SNTG2: variants seen among roughly 807,000 people sequenced by gnomAD.
SNTG2 encodes the protein gamma-2-syntrophin.
A neutral mutation model predicts 70.9 loss-of-function variants in SNTG2; 74 were observed. The ratio of observed to expected loss-of-function variants is 1.04; its 90% CI spans 0.86 to 1.27. The LOEUF (loss-of-function observed/expected upper bound fraction) is 1.27, where lower values mean the gene tolerates loss of function less well. SNTG2 is among the 50% of genes most tolerant of loss of function. The probability of loss-of-function intolerance (pLI) is 0.00; values close to 1 mark genes in which losing one functional copy is unlikely to be tolerated. For synonymous variants in SNTG2, 278 were observed against 273.8 expected (o/e 1.02, Z -0.15); for missense variants, 717 against 690.7 (o/e 1.04, Z -0.43).
At chr2:1,075,295 G>A (rs1663846483) in intron 1 of SNTG2, among the ~76,000 whole-genome samples, 2 of 152,166 alleles carry the variant, frequency 1.3e-5, no homozygotes, top group Non-Finnish European at 1.5e-5. Flanking sequence ...CAGCTCCTAC[G>A]TCCTTTGCAG....
intron 12 of SNTG2, among the ~76,000 whole-genome samples, chr2:1,249,360 T>C (rs1027450059): frequency 6.6e-6 from 1 of 152,242 alleles, no homozygotes; most frequent in Non-Finnish European, 1.5e-5. Flanking sequence ...ATGAAGGTCA[T>C]GTGTAAATAA....
chr2:1,184,502 T>C (rs1672125505), intron 8 of SNTG2, among the ~76,000 whole-genome samples: 1 of 152,188 alleles, frequency 6.6e-6, no homozygotes, highest in Non-Finnish European at 1.5e-5. Flanking sequence ...AGAGGTTTAA[T>C]TGGCTCATAT....
chr2:1,088,911 A>G (rs1351901329), intron 2 of SNTG2, among the ~76,000 whole-genome samples: 1 of 152,346 alleles, frequency 6.6e-6, no homozygotes, highest in South Asian at 2.1e-4. Context: ...TTGTCTCCAC[A>G]GCGGAGGATG....
intron 6 of SNTG2, among the ~76,000 whole-genome samples, chr2:1,158,947 T>C (rs990994199): frequency 6.6e-6 from 1 of 152,110 alleles, no homozygotes; most frequent in Non-Finnish European, 1.5e-5. Context: ...GGTCTTGGAA[T>C]GTGTTACTAA....
At chr2:1,172,475 T>C (rs557910285) in intron 7 of SNTG2, among the ~76,000 whole-genome samples, 2 of 152,326 alleles carry the variant, frequency 1.3e-5, no homozygotes, top group South Asian at 4.1e-4. Context: ...CCTTTCTCCC[T>C]GAGCTGTTCC....
At chr2:1,134,451 C>T (rs374123378) in intron 4 of SNTG2, among the ~76,000 whole-genome samples, 1 of 134,572 alleles carries the variant, frequency 7.4e-6, no homozygotes, top group Admixed American at 7.2e-5. Context: ...TACAGAGTGT[C>T]GACACAAAGG....
chr2:1,204,631 CA>C (rs1673509730), intron 8 of SNTG2, among the ~76,000 whole-genome samples: 1 of 152,158 alleles, frequency 6.6e-6, no homozygotes, highest in African/African-American at 2.4e-5. Context: ...CGGAGGAGTA[CA>C]GTAAATAAGC....
intron 15 of SNTG2, among the ~76,000 whole-genome samples, chr2:1,310,636 C>T (rs1680938830): frequency 6.6e-6 from 1 of 152,064 alleles, no homozygotes; most frequent in African/African-American, 2.4e-5. Context: ...CGGTGAGTTT[C>T]CTTTCTTCCT....
Position 1,106,075 on chromosome 2 carries a change from ACCTGCTGT to A in SNTG2, c.325+7667_325+7674del, listed in dbSNP as rs1558404886. On this transcript the variant is annotated intron_variant, in intron 4 of 16. Transcript: ENST00000308624. ...GGAGAGCTCCTTGGTAATAGTGGAC[ACCTGCTGT>A]CACTCGGGTGCAGGGTATGGAGAGC... Among the ~76,000 whole-genome samples, 207 of 112,656 alleles carry A rather than the reference ACCTGCTGT, an allele frequency of 1.8e-3. 11 individuals are homozygous for A. The highest frequency in any genetic ancestry group is 0.011 in the Middle Eastern group (2 of 178). 73.9% of individuals were successfully genotyped at this position (112,656 alleles called of 152,430 possible).
At position 1,115,271 on chromosome 2, in the gene SNTG2, C is replaced by T. The variant is rs535726653; in HGVS notation, c.325+16861C>T. Reference sequence around the variant, plus strand: ...TTCGTGTACTGAGGTTTAACCCTTACAGTCCTTTGAGGAGGATCGTGTGTA... The same window carrying T: ...TTCGTGTACTGAGGTTTAACCCTTATAGTCCTTTGAGGAGGATCGTGTGTA... On this transcript the variant is annotated intron_variant, in intron 4 of 16. Coordinates refer to ENST00000308624, the MANE Select transcript of SNTG2 (RefSeq NM_018968.4). Among the ~76,000 whole-genome samples the T allele has an allele frequency of 5.5e-3, 840 of 151,782 alleles. 7 individuals carry two copies. Among genetic ancestry groups the T allele is most frequent in the African/African-American group, 0.019 (795 of 41,400 alleles).
At chr2:1,196,807 A>G (rs1479131304) in intron 8 of SNTG2, among the ~76,000 whole-genome samples, 2 of 152,158 alleles carry the variant, frequency 1.3e-5, no homozygotes, top group Non-Finnish European at 2.9e-5. Context: ...TGAAAGAGAA[A>G]TGAAGTCTTC....
intron 14 of SNTG2, among the ~76,000 whole-genome samples, chr2:1,285,403 G>T (rs1256254393): frequency 6.6e-6 from 1 of 152,058 alleles, no homozygotes; most frequent in Admixed American, 6.6e-5. Context: ...TACATCTCCT[G>T]AGATTATACA....
At chr2:1,116,623 C>T (rs951941883) in intron 4 of SNTG2, among the ~76,000 whole-genome samples, 2 of 144,906 alleles carry the variant, frequency 1.4e-5, no homozygotes, top group African/African-American at 5.2e-5. Flanking sequence ...TGTGGGTGCT[C>T]TGGTGTGTGG....
chr2:1,215,795 A>T (rs917036957), intron 9 of SNTG2, among the ~76,000 whole-genome samples: 4 of 149,434 alleles, frequency 2.7e-5, no homozygotes, highest in African/African-American at 9.9e-5. Flanking sequence ...ATGAGTGAGA[A>T]CATGCAGTGT....
chr2:1,297,627 C>G (rs1030271958), intron 14 of SNTG2, among the ~76,000 whole-genome samples: 1 of 152,184 alleles, frequency 6.6e-6, no homozygotes, highest in Non-Finnish European at 1.5e-5. Flanking sequence ...CCCAGTGGCC[C>G]AGCCTGGCGC....
chr2:1,222,127 C>CTCTGTCTCTGTCTCTCTCTG lies in SNTG2; in HGVS notation c.719+12900_719+12901insGTCTCTGTCTCTCTCTGTCT, dbSNP rs1345883336. 2.3e-4 allele frequency among the ~76,000 whole-genome samples: 27 copies of CTCTGTCTCTGTCTCTCTCTG among 115,402 alleles called. 3 individuals are homozygous for CTCTGTCTCTGTCTCTCTCTG. The highest frequency in any genetic ancestry group is 1.0e-3 in the African/African-American group (27 of 26,570). 75.7% of individuals were successfully genotyped at this position (115,402 alleles called of 152,430 possible). A position where few individuals can be genotyped will look rare whatever the true frequency, so the allele number is the denominator to read the frequency against. On this transcript the variant is annotated intron_variant, in intron 9 of 16. Coordinates refer to ENST00000308624, the MANE Select transcript of SNTG2 (RefSeq NM_018968.4). ...TCTGTCTCTCTCTGTCTCTCTCTGT[C>CTCTGTCTCTGTCTCTCTCTG]TCTCTCTGTCTCTCTCTGTCTCTGC...
At chr2:1,173,252 A>G (rs1488781787) in intron 8 of SNTG2, 69 bp downstream of exon 8, 1 of 1,396,038 alleles carries the variant, frequency 7.2e-7, no homozygotes, top group Non-Finnish European at 1.0e-6. Context: ...TAATCTCTAG[A>G]CAGAATTAAA....
intron 1 of SNTG2, among the ~76,000 whole-genome samples, chr2:985,773 C>T (rs1572192815): frequency 6.6e-6 from 1 of 152,086 alleles, no homozygotes; most frequent in African/African-American, 2.4e-5. Context: ...CGCTGGTTGG[C>T]TTTTTATCCT....
At chr2:951,155 C>A in intron 1 of SNTG2, 87 bp downstream of exon 1, 1 of 580,808 alleles carries the variant, frequency 1.7e-6, no homozygotes, top group African/African-American at 1.9e-5. Flanking sequence ...CCTCCCTCCA[C>A]GCCCCCTCGC....
Sources: allele counts gnomAD v4.1 joint callset (sites outside exome capture counted in the v4.1 genomes callset), GRCh38; gene constraint gnomAD v4.1.1; transcripts MANE v1.5; gene names NCBI Gene and HGNC (gene_info 2026-07-23, HGNC 2026-07-21).